FEZ2: variants seen among roughly 807,000 people sequenced by gnomAD.
FEZ2 encodes fasciculation and elongation protein zeta 2.
Under a neutral mutation model 40.4 loss-of-function variants are expected in FEZ2, and 51 were observed. The observed-to-expected ratio is 1.26, with a 90% confidence interval of 1.01 to 1.59. The LOEUF (loss-of-function observed/expected upper bound fraction) is 1.59. FEZ2 is among the 40% of genes most tolerant of loss of function. FEZ2 has a pLI of 0.00. For missense variants in FEZ2, 640 were observed against 438.3 expected (o/e 1.46, Z -4.11); for synonymous variants, 242 against 172.0 (o/e 1.41, Z -3.18).
At chr2:36,571,189 G>A (rs1473212846) in intron 5 of FEZ2, among the ~76,000 whole-genome samples, 2 of 152,018 alleles carry the variant, frequency 1.3e-5, no homozygotes, top group Non-Finnish European at 2.9e-5. Context: ...TAATTCATAG[G>A]TTTGAATTAT....
intron 5 of FEZ2, among the ~76,000 whole-genome samples, chr2:36,573,577 T>A (rs1668481032): frequency 6.6e-6 from 1 of 152,268 alleles, no homozygotes; most frequent in Non-Finnish European, 1.5e-5. Flanking sequence ...TTAAGTGATG[T>A]GCGAAGAACA....
rs1248830319 is a variant in FEZ2 at position 36,570,933 on chromosome 2, T to C, written c.903+7664A>G. Among the ~76,000 whole-genome samples, 17 of 152,228 alleles carry C rather than the reference T, an allele frequency of 1.1e-4. 1 individual carries two copies. The highest frequency in any genetic ancestry group is 1.1e-3 in the Admixed American group (17 of 15,288). ...CAATTTCCTGGCACATTACAGCTTT[T>C]ATGTGAACTTGTTTATATTAACAAT... On this transcript the variant is annotated intron_variant, in intron 5 of 7. Transcript: ENST00000405912.
In FEZ2 at chr2:36,583,365, G is replaced by A. The variant is rs1668808176; in HGVS notation, c.480C>T (p.Phe160=). Residue 160 remains phenylalanine (F), a synonymous_variant, in exon 3 of 8, where the codon TTC becomes TTT. Transcript: ENST00000405912. ...ATCTCCTCTATACCTGGTCTGCCGT[G>A]AAGAGGGGTTCATCATTAACACAGG... is the stretch of plus-strand genomic sequence containing the variant. ...IVSCVNDEPL[F]TADQVIEEIE... The A allele has an allele frequency of 6.4e-7, 1 of 1,568,728 alleles. No homozygotes were observed. Among genetic ancestry groups the A allele is most frequent in the East Asian group, 2.2e-5 (1 of 44,634 alleles).
rs1292095229 is a variant in FEZ2 at position 36,553,165 on chromosome 2, A to G, written c.1060T>C (p.Ter354GlnextTer19). The G allele has an allele frequency of 1.3e-6, 2 of 1,566,018 alleles. No homozygotes were observed. Among genetic ancestry groups the G allele is most frequent in the Non-Finnish European group, 1.7e-6 (2 of 1,153,458 alleles). ...CCACCGCAGATAAAGTTGCTGCTCT[A>G]TGTAGGACACAGAACTAGAAGAAAA... ...DYILKVLCPT[*>Q] Residue 354 changes from the stop codon to glutamine, a stop_lost, in exon 8 of 8, where the codon TAG becomes CAG. Coordinates refer to ENST00000405912, the MANE Select transcript of FEZ2 (RefSeq NM_005102.3).
intron 5 of FEZ2, among the ~76,000 whole-genome samples, chr2:36,567,019 C>T (rs1174277536): frequency 2.0e-5 from 3 of 152,158 alleles, no homozygotes; most frequent in Non-Finnish European, 4.4e-5. Flanking sequence ...ACTGCACAGC[C>T]AGATGATACA....
At chr2:36,570,956 A>C (rs916585970) in intron 5 of FEZ2, among the ~76,000 whole-genome samples, 48 of 152,296 alleles carry the variant, frequency 3.2e-4, no homozygotes, top group African/African-American at 1.1e-3. Context: ...TTATATTAAC[A>C]ATGACCTCTC....
At chr2:36,580,402 T>A (rs1668700857) in intron 4 of FEZ2, among the ~76,000 whole-genome samples, 1 of 152,040 alleles carries the variant, frequency 6.6e-6, no homozygotes, top group Non-Finnish European at 1.5e-5. Context: ...ACAACACGAG[T>A]TGAGCAGATA....
intron 5 of FEZ2, 111 bp from the exon 6 acceptor site, chr2:36,558,624 T>G (rs1668015201): frequency 3.7e-6 from 2 of 535,440 alleles, no homozygotes; most frequent in Admixed American, 3.6e-5. Context: ...ACAAGCTACT[T>G]TGGTAATGAA....
chr2:36,576,043 T>G (rs75981392), intron 5 of FEZ2, among the ~76,000 whole-genome samples: 2 of 152,250 alleles, frequency 1.3e-5, no homozygotes, highest in South Asian at 4.1e-4. Context: ...CACCATTTTT[T>G]AGGAATTAGT....
intron 3 of FEZ2, 42 bp downstream of exon 3, chr2:36,583,311 T>C (rs1333893019): frequency 2.0e-6 from 2 of 1,014,074 alleles, no homozygotes; most frequent in Non-Finnish European, 3.1e-6. Context: ...TTTTCAGCTC[T>C]AGAGTCTCCT....
In FEZ2 at chr2:36,560,909, G is replaced by C. The variant is rs543513119; in HGVS notation, c.904-2396C>G. On this transcript the variant is annotated intron_variant, in intron 5 of 7. Coordinates refer to ENST00000405912, the MANE Select transcript of FEZ2 (RefSeq NM_005102.3). ...GGCCCAGAAGAAAAGGACAGAGAAA[G>C]AAGTTCAAAGTCTATTAGTAAGAAT... The C allele has an allele frequency of 1.2e-4, 153 of 1,263,560 alleles. No homozygotes were observed. In the East Asian group the frequency reaches 2.6e-3, roughly 21 times the overall value. The allele number at this position is 1,263,560 out of a possible 1,614,324, so 78.3% of individuals were successfully genotyped here.
At chr2:36,586,089 G>C (rs1573026965) in intron 2 of FEZ2, among the ~76,000 whole-genome samples, 1 of 152,118 alleles carries the variant, frequency 6.6e-6, no homozygotes, top group African/African-American at 2.4e-5. Context: ...GAAGGAGAAA[G>C]ATCAAGAGAC....
intron 5 of FEZ2, among the ~76,000 whole-genome samples, chr2:36,565,553 C>T (rs1173749704): frequency 6.6e-6 from 1 of 152,168 alleles, no homozygotes; most frequent in African/African-American, 2.4e-5. Context: ...ACACCACCCC[C>T]TCTGCTGTCT....
In FEZ2 at chr2:36,568,593, G is replaced by A. The variant is rs1368923546; in HGVS notation, c.903+10004C>T. On this transcript the variant is annotated intron_variant, in intron 5 of 7. Transcript: ENST00000405912. Reference sequence around the variant, plus strand: ...CTACGTCTTTAGGAAGGAGTTAATAGTGCTATAAAATGCCCCCTCTCAGGA... The same window carrying A: ...CTACGTCTTTAGGAAGGAGTTAATAATGCTATAAAATGCCCCCTCTCAGGA... 3.3e-5 allele frequency among the ~76,000 whole-genome samples: 5 copies of A among 152,302 alleles called. No individual in the cohort carries two copies. In the East Asian group the frequency reaches 9.7e-4, roughly 29 times the overall value.
At chr2:36,566,676 T>C (rs1668250059) in intron 5 of FEZ2, among the ~76,000 whole-genome samples, 2 of 152,158 alleles carry the variant, frequency 1.3e-5, no homozygotes, top group South Asian at 4.1e-4. Flanking sequence ...GCAAAAGTCT[T>C]AGAATCAAGA....
chr2:36,587,705 G>C (rs848613), intron 2 of FEZ2, among the ~76,000 whole-genome samples: 63,474 of 151,922 alleles, frequency 0.42, 13,517 homozygotes, highest in Middle Eastern at 0.54. Context: ...ATAATCTAAA[G>C]AATGCTTTCA....
At position 36,572,753 on chromosome 2, in the gene FEZ2, AAAG is replaced by A. The variant is rs368463784; in HGVS notation, c.903+5841_903+5843del. On this transcript the variant is annotated intron_variant, in intron 5 of 7. Coordinates refer to ENST00000405912, the MANE Select transcript of FEZ2 (RefSeq NM_005102.3). ...TGCTGTTAAAAAAATTCCAAATTAAAAAGAAGGGGGGAAAAAGCCAGGTCCATG... is the reference window on the plus strand; with the variant it reads ...TGCTGTTAAAAAAATTCCAAATTAAAAAGGGGGGAAAAAGCCAGGTCCATG... Among the ~76,000 whole-genome samples the A allele has an allele frequency of 1.4e-3, 208 of 152,326 alleles. 1 individual carries two copies. Among genetic ancestry groups the A allele is most frequent in the Middle Eastern group, 6.8e-3 (2 of 294 alleles).
intron 4 of FEZ2, 78 bp from the exon 5 acceptor site, chr2:36,578,943 T>C (rs1668657377): frequency 2.4e-6 from 3 of 1,230,328 alleles, no homozygotes; most frequent in East Asian, 2.3e-5. Context: ...TCACTAGGAA[T>C]GACTAAATAA....
chr2:36,571,619 C>T (rs1017790413), intron 5 of FEZ2, among the ~76,000 whole-genome samples: 1 of 151,850 alleles, frequency 6.6e-6, no homozygotes, highest in Non-Finnish European at 1.5e-5. Context: ...GGCACCACTG[C>T]ACTCCAGCCT....
Sources: gnomAD v4.1 joint callset for allele counts (sites outside exome capture counted in the v4.1 genomes callset) on GRCh38, gnomAD v4.1.1 for gene constraint, MANE v1.5 for transcripts, NCBI Gene and HGNC (gene_info 2026-07-23, HGNC 2026-07-21) for gene names.